Variants in REV3L observed in about 807,000 individuals in gnomAD.
REV3L encodes the protein REV3 like, DNA directed polymerase zeta catalytic subunit, also known as DNA polymerase zeta catalytic subunit.
In REV3L, 69 loss-of-function variants were observed where a neutral mutation model predicts 299.4. The observed-to-expected ratio is 0.23, with a 90% CI of 0.19 to 0.28. The LOEUF (loss-of-function observed/expected upper bound fraction) is 0.28. Ranked by LOEUF, REV3L falls within the 10% of genes least tolerant of loss-of-function variation. The pLI, the probability that REV3L is intolerant of heterozygous loss-of-function variation, is 1.00. For synonymous variants in REV3L, 1,238 were observed against 1,271.4 expected (o/e 0.97, Z 0.56); for missense variants, 3,128 against 3,693.8 (o/e 0.85, Z 3.97).
chr6:111,441,524 T>A (rs1788263483), intron 1 of REV3L, among the ~76,000 whole-genome samples: 1 of 152,192 alleles, frequency 6.6e-6, no homozygotes. Flanking sequence ...GTGCTGAGAT[T>A]ACAGGTGCGA....
chr6:111,305,771 T>C (rs1032278243), intron 31 of REV3L, among the ~76,000 whole-genome samples: 8 of 152,058 alleles, frequency 5.3e-5, no homozygotes, highest in African/African-American at 1.9e-4. Context: ...AGCAGAGCCC[T>C]GGAGGTCCTG....
chr6:111,411,665 A>G (rs926412073), intron 2 of REV3L, 111 bp from the exon 3 acceptor site: 5 of 701,850 alleles, frequency 7.1e-6, no homozygotes, highest in African/African-American at 5.4e-5. Context: ...TACGTTTAAT[A>G]TTATCCACCC....
At chr6:111,306,366 G>A (rs1772296694) in intron 31 of REV3L, among the ~76,000 whole-genome samples, 2 of 152,180 alleles carry the variant, frequency 1.3e-5, no homozygotes, top group Admixed American at 1.3e-4. Context: ...ATGGGTCGAG[G>A]TAGAGTGTGA....
intron 31 of REV3L, 92 bp from the exon 32 acceptor site, chr6:111,300,248 A>T: frequency 1.0e-6 from 1 of 959,910 alleles, no homozygotes; most frequent in Non-Finnish European, 1.5e-6. Flanking sequence ...TTTCTAGACT[A>T]CCACAGATTA....
intron 20 of REV3L, among the ~76,000 whole-genome samples, chr6:111,344,927 G>T (rs1439453940): frequency 6.6e-6 from 1 of 152,136 alleles, no homozygotes; most frequent in Non-Finnish European, 1.5e-5. Context: ...ACCCAAATTG[G>T]TCTTACTTTA....
At chr6:111,385,733 C>T (rs1781279977) in intron 9 of REV3L, among the ~76,000 whole-genome samples, 1 of 151,484 alleles carries the variant, frequency 6.6e-6, no homozygotes, top group Admixed American at 6.6e-5. Flanking sequence ...CTGATAAAGA[C>T]TTAATATCTA....
chr6:111,483,602 G>A (rs1308841652), upstream of REV3L: 1 of 450,252 alleles, frequency 2.2e-6, no homozygotes, highest in Non-Finnish European at 4.4e-6. Flanking sequence ...CACTTGCCTC[G>A]CCGACCGCCA....
Position 111,333,215 on chromosome 6 carries a change from G to A in REV3L, c.7833C>T (p.Leu2611=), listed in dbSNP as rs750162731. The A allele has an allele frequency of 2.5e-6, 4 of 1,614,014 alleles. No individual in the cohort carries two copies. The highest frequency in any genetic ancestry group is 3.4e-6 in the Non-Finnish European group (4 of 1,180,014). Residue 2611 remains leucine (L), a synonymous_variant, in exon 23 of 32, where the codon CTC becomes CTT. Coordinates refer to ENST00000368802, the MANE Select transcript of REV3L (RefSeq NM_001372078.1). ...GATAAAGTGATTGGAAATCCAAAAC[G>A]AGAACAGAGTTGCTATAGAAGCGGG... The part of the protein sequence containing the change: ...PESRFYSNSV[L]VLDFQSLYPS...
Position 111,367,647 on chromosome 6 carries a change from A to G in REV3L, c.6141T>C (p.Pro2047=), listed in dbSNP as rs756195718. Residue 2047 remains proline (P), a synonymous_variant, in exon 14 of 32, where the codon CCT becomes CCC. Transcript: ENST00000368802. ...FSSSVNPDDK[P]VVPPKMDVSP... ...TTACATCCATTTTTGGAGGCACTAC[A>G]GGTTTGTCATCTGGGTTAACTGAAG... 5 of 1,614,092 alleles carry G rather than the reference A, an allele frequency of 3.1e-6. No homozygotes were observed. Among genetic ancestry groups the G allele is most frequent in the South Asian group, 2.2e-5 (2 of 91,086 alleles).
chr6:111,347,875 C>G (rs1210758826), intron 20 of REV3L, among the ~76,000 whole-genome samples: 1 of 152,132 alleles, frequency 6.6e-6, no homozygotes, highest in Non-Finnish European at 1.5e-5. Context: ...ATGTGTGTGC[C>G]ACTGGCTCTC....
intron 4 of REV3L, among the ~76,000 whole-genome samples, chr6:111,400,237 T>C (rs1782950198): frequency 6.6e-6 from 1 of 152,192 alleles, no homozygotes; most frequent in Admixed American, 6.5e-5. Context: ...CTAAATCACT[T>C]AGGTAAACAT....
intron 15 of REV3L, 26 bp from the exon 16 acceptor site, chr6:111,364,004 C>T (rs775370860): frequency 6.3e-7 from 1 of 1,582,834 alleles, no homozygotes; most frequent in Admixed American, 1.9e-5. Flanking sequence ...CACACACACA[C>T]AGCCAGAAAA....
chr6:111,392,107 A>C (rs1034701306), intron 5 of REV3L, among the ~76,000 whole-genome samples: 1 of 152,238 alleles, frequency 6.6e-6, no homozygotes, highest in African/African-American at 2.4e-5. Context: ...TTATAATTTG[A>C]AATAATTATG....
intron 2 of REV3L, chr6:111,412,245 T>G (rs930003985): frequency 1.4e-5 from 14 of 985,136 alleles, no homozygotes; most frequent in African/African-American, 8.7e-5. Flanking sequence ...ACCATGGACT[T>G]ACTTAAGCAA....
At chr6:111,419,036 A>AC (rs1785044532) in intron 1 of REV3L, among the ~76,000 whole-genome samples, 1 of 152,246 alleles carries the variant, frequency 6.6e-6, no homozygotes, top group Non-Finnish European at 1.5e-5. Flanking sequence ...TTAGAGGAGG[A>AC]CATGGGTGTG....
intron 1 of REV3L, among the ~76,000 whole-genome samples, chr6:111,438,951 T>C (rs1192123275): frequency 6.6e-6 from 1 of 152,216 alleles, no homozygotes; most frequent in Non-Finnish European, 1.5e-5. Context: ...AATTTTTTAG[T>C]GGTTACCCTG....
At chr6:111,389,068 G>C in intron 7 of REV3L, 38 bp downstream of exon 7, 1 of 1,436,014 alleles carries the variant, frequency 7.0e-7, no homozygotes, top group Non-Finnish European at 9.7e-7. Flanking sequence ...TAAAATACTT[G>C]ATTTAAAAGA....
At chr6:111,326,961 T>C (rs1265782592) in intron 25 of REV3L, among the ~76,000 whole-genome samples, 1 of 152,144 alleles carries the variant, frequency 6.6e-6, no homozygotes, top group Non-Finnish European at 1.5e-5. Context: ...AGTTAGCATA[T>C]GATGAGGGGT....
At chr6:111,389,360 T>C in intron 6 of REV3L, 150 bp from the exon 7 acceptor site, 1 of 621,644 alleles carries the variant, frequency 1.6e-6, no homozygotes, top group Non-Finnish European at 2.8e-6. Context: ...CTACACTTAC[T>C]ATGTTACTCC....
Sources: gnomAD v4.1 joint callset for allele counts (sites outside exome capture counted in the v4.1 genomes callset) on GRCh38, gnomAD v4.1.1 for gene constraint, MANE v1.5 for transcripts, NCBI Gene and HGNC (gene_info 2026-07-23, HGNC 2026-07-21) for gene names.